ODAD1: variants seen among roughly 807,000 people sequenced by gnomAD.
The protein encoded by ODAD1 is outer dynein arm docking complex subunit 1, also known as outer dynein arm-docking complex subunit 1.
ODAD1 carries 49 observed loss-of-function variants against 67.2 expected under a neutral mutation model. The observed-to-expected ratio is 0.73, with a 90% CI of 0.58 to 0.92. The LOEUF is 0.92. Among genes scored for constraint, ODAD1 ranks in the 40% least tolerant of loss-of-function variants. ODAD1 has a pLI of 0.00. For missense variants in ODAD1, 897 were observed against 953.7 expected, an observed-to-expected ratio of 0.94 and a Z score of 0.78; for synonymous variants, 345 against 393.7, an observed-to-expected ratio of 0.88 and a Z score of 1.46.
Position 48,297,258 on chromosome 19 carries a change from C to T in ODAD1, c.1842G>A (p.Thr614=), listed in dbSNP as rs368560284. The change falls in exon 16 of 16, where the codon ACG becomes ACA. Residue 614 remains threonine (T), a synonymous_variant. Transcript: ENST00000674294. ...CGTGGCCAGTGTTGGGGTCACCGTG[C>T]GTGATGTGGCTGGGCAAATGCCCAG... ...SSTGHLPSHI[T]HGDPNTGHVT... 1.5e-5 allele frequency: 24 copies of T among 1,613,896 alleles called. No individual in the cohort carries two copies. In the East Asian group the frequency reaches 2.0e-4, roughly 13 times the overall value.
In ODAD1 at chr19:48,318,715, T is replaced by A. The variant is rs1968966801; in HGVS notation, c.168A>T (p.Gln56His). 6.5e-7 allele frequency: 1 copy of A among 1,549,454 alleles called. No homozygotes were observed. Among genetic ancestry groups the A allele is most frequent in the South Asian group, 1.2e-5 (1 of 84,014 alleles). Residue 56 changes from glutamine (Q) to histidine (H), a missense_variant and splice_region_variant, in exon 4 of 16, where the codon CAA becomes CAT. Physicochemically the swap from Gln to His is conservative, Grantham distance 24. Coordinates refer to ENST00000674294, the MANE Select transcript of ODAD1 (RefSeq NM_001364171.2). ...CAGGGCCCAGGCGCCCAGCTCACAG[T>A]TGCTTGTTGATGCGCTGGTGGACTT... ...SKEVHQRINK[Q>H]LEEIRRLEEV...
chr19:48,297,427 G>A lies in ODAD1; in HGVS notation c.1673C>T (p.Ala558Val), dbSNP rs1206811360. ...ACTGGAGCCGGCCCTCTGGGTGCTGGCCAGGTCCACGCTCAGGGTGCCGTC... is the reference window on the plus strand; with the variant it reads ...ACTGGAGCCGGCCCTCTGGGTGCTGACCAGGTCCACGCTCAGGGTGCCGTC... ...KLDGTLSVDL[A>V]STQRAGSSTV... The change falls in exon 16 of 16, where the codon GCC (alanine) becomes GTC (valine). Residue 558 changes from alanine to valine, a missense_variant. By Grantham distance (64) the Ala-to-Val change is moderately conservative. Transcript: ENST00000674294. The A allele has an allele frequency of 2.5e-6, 4 of 1,604,222 alleles. No individual in the cohort carries two copies. The highest frequency in any genetic ancestry group is 3.4e-6 in the Non-Finnish European group (4 of 1,179,454).
Position 48,298,198 on chromosome 19 carries a change from C to T in ODAD1, c.1383G>A (p.Val461=). The T allele has an allele frequency of 1.2e-6, 2 of 1,613,480 alleles. No homozygotes were observed. The highest frequency in any genetic ancestry group is 1.7e-6 in the Non-Finnish European group (2 of 1,179,998). The part of the protein sequence containing the change: ...IEKRLVELLT[V]QAFLHAQSFT... ...CCACCTGGGCATGTAGGAAGGCCTGCACTGTCAGGAGCTCCACCAGCCGCT... is the reference window on the plus strand; with the variant it reads ...CCACCTGGGCATGTAGGAAGGCCTGTACTGTCAGGAGCTCCACCAGCCGCT... The change falls in exon 13 of 16, where the codon GTG becomes GTA. Residue 461 remains valine, a synonymous_variant. Transcript: ENST00000674294.
intron 7 of ODAD1, among the ~76,000 whole-genome samples, chr19:48,307,708 G>A (rs964035981): frequency 7.2e-5 from 11 of 151,988 alleles, no homozygotes; most frequent in Non-Finnish European, 1.3e-4. Context: ...CCAGCTACTC[G>A]GGAGGCTGAG....
chr19:48,319,359 C>A (rs1283738727), intron 3 of ODAD1: 4 of 864,740 alleles, frequency 4.6e-6, no homozygotes, highest in Non-Finnish European at 5.6e-6. Context: ...TCCCATGATG[C>A]CCCAGTACCT....
intron 7 of ODAD1, among the ~76,000 whole-genome samples, chr19:48,311,151 G>A (rs1259522072): frequency 6.6e-6 from 1 of 152,184 alleles, no homozygotes; most frequent in African/African-American, 2.4e-5. Flanking sequence ...GGCACAGGCT[G>A]TAGTGAGCCA....
intron 5 of ODAD1, among the ~76,000 whole-genome samples, chr19:48,316,374 C>T (rs543083094): frequency 1.4e-5 from 2 of 144,796 alleles, no homozygotes; most frequent in African/African-American, 2.6e-5. Context: ...AGCGAGACTT[C>T]GTCAAAAAAA....
At chr19:48,318,912 C>A in intron 3 of ODAD1, 100 bp from the exon 4 acceptor site, 1 of 715,504 alleles carries the variant, frequency 1.4e-6, no homozygotes, top group South Asian at 1.6e-5. Flanking sequence ...GTCTCACAAA[C>A]TGCAACTGAA....
In ODAD1 at chr19:48,302,995, A is replaced by G; in HGVS notation, c.1071+18T>C. The G allele has an allele frequency of 6.2e-7, 1 of 1,610,546 alleles. No individual in the cohort carries two copies. Among genetic ancestry groups the G allele is most frequent in the Non-Finnish European group, 8.5e-7 (1 of 1,176,828 alleles). On this transcript the variant is annotated intron_variant, in intron 11 of 15. Coordinates refer to ENST00000674294, the MANE Select transcript of ODAD1 (RefSeq NM_001364171.2). ...GCCGGGAGGAGAGGAGGAGATGGAG[A>G]GGGCAGGCCTCACTCACCTCCTTGA...
At chr19:48,320,415 C>A (rs1211048250) in intron 2 of ODAD1, 24 bp from the exon 3 acceptor site, 2 of 1,241,504 alleles carry the variant, frequency 1.6e-6, no homozygotes, top group Admixed American at 5.2e-5. Flanking sequence ...CATATAAGAC[C>A]CTTCAGACAG....
intron 7 of ODAD1, among the ~76,000 whole-genome samples, chr19:48,310,734 T>C (rs752705024): frequency 7.9e-5 from 12 of 151,552 alleles, no homozygotes; most frequent in Non-Finnish European, 1.6e-4. Context: ...TATATAGGAG[T>C]TCTTTGTATA....
chr19:48,321,709 G>T lies in ODAD1; in HGVS notation c.-95C>A. On this transcript the variant is annotated 5_prime_UTR_variant, in exon 1 of 16. Coordinates refer to ENST00000674294, the MANE Select transcript of ODAD1 (RefSeq NM_001364171.2). ...CCTGGAAGCGGCGGGAGTTGAAAGA[G>T]CCTGCGGTGACCTGTATGGAAGCCC... 2.5e-6 allele frequency: 1 copy of T among 397,070 alleles called. No individual in the cohort carries two copies. The highest frequency in any genetic ancestry group is 4.4e-5 in the Admixed American group (1 of 22,652). 24.6% of individuals were successfully genotyped at this position (397,070 alleles called of 1,614,324 possible).
chr19:48,300,328 A>T (rs1422506207), intron 12 of ODAD1, among the ~76,000 whole-genome samples: 1 of 152,232 alleles, frequency 6.6e-6, no homozygotes, highest in Non-Finnish European at 1.5e-5. Flanking sequence ...AAAAAAATCT[A>T]AAAAAATTTT....
At chr19:48,319,552 G>GA in intron 3 of ODAD1, 2 of 424,330 alleles carry the variant, frequency 4.7e-6, no homozygotes, top group Non-Finnish European at 6.3e-6. Flanking sequence ...TTTCTAGACA[G>GA]GGTCTCGCTC....
intron 8 of ODAD1, 167 bp downstream of exon 8, chr19:48,306,089 T>G: frequency 1.8e-6 from 1 of 557,808 alleles, no homozygotes; most frequent in Non-Finnish European, 2.3e-6. Context: ...ACCTTGCCAG[T>G]GGAGGTGGGG....
At chr19:48,301,837 G>C (rs1331807585) in intron 12 of ODAD1, among the ~76,000 whole-genome samples, 1 of 151,596 alleles carries the variant, frequency 6.6e-6, no homozygotes, top group African/African-American at 2.4e-5. Context: ...ATGGATGGAT[G>C]GATGGATGGA....
intron 5 of ODAD1, among the ~76,000 whole-genome samples, chr19:48,315,069 CTTTCT>C (rs987012840): frequency 9.9e-5 from 15 of 151,952 alleles, no homozygotes; most frequent in African/African-American, 2.9e-4. Flanking sequence ...AATTTTCTTT[CTTTCT>C]TTTATTTTTT....
At position 48,298,295 on chromosome 19, in the gene ODAD1, A is replaced by T; in HGVS notation, c.1286T>A (p.Ile429Asn). 1 of 1,614,180 alleles carries T rather than the reference A, an allele frequency of 6.2e-7. No individual in the cohort carries two copies. Among genetic ancestry groups the T allele is most frequent in the Non-Finnish European group, 8.5e-7 (1 of 1,180,026 alleles). Residue 429 changes from isoleucine to asparagine, a missense_variant, in exon 13 of 16, where the codon ATC becomes AAC. Coordinates refer to ENST00000674294, the MANE Select transcript of ODAD1 (RefSeq NM_001364171.2). Reference sequence around the variant, plus strand: ...GGTCTTGACCCCAAGGAGGTCATCGATCATGCTGCTGTCGCAATGGGCCTT... The same window carrying T: ...GGTCTTGACCCCAAGGAGGTCATCGTTCATGCTGCTGTCGCAATGGGCCTT... ...FTKAHCDSSM[I>N]DDLLGVKTSM...
At chr19:48,316,095 T>C (rs1400324269) in intron 5 of ODAD1, among the ~76,000 whole-genome samples, 1 of 152,188 alleles carries the variant, frequency 6.6e-6, no homozygotes, top group Non-Finnish European at 1.5e-5. Context: ...ACTGCCAAAC[T>C]GGGCCAGGCA....
Sources: allele counts gnomAD v4.1 joint callset (sites outside exome capture counted in the v4.1 genomes callset), GRCh38; gene constraint gnomAD v4.1.1; transcripts MANE v1.5; gene names NCBI Gene and HGNC (gene_info 2026-07-23, HGNC 2026-07-21).